DUOXA2: variants seen among roughly 807,000 people sequenced by gnomAD.
DUOXA2 encodes dual oxidase maturation factor 2.
In DUOXA2, 22 loss-of-function variants were observed where a neutral mutation model predicts 27.6. The observed-to-expected ratio is 0.80, with a 90% CI of 0.57 to 1.14. The LOEUF is 1.14. Among genes scored for constraint, DUOXA2 ranks in the 50% most tolerant of loss-of-function variants. The pLI is 0.00. For missense variants in DUOXA2, 481 were observed against 419.9 expected (o/e 1.15, Z -1.27); for synonymous variants, 188 against 184.4 (o/e 1.02, Z -0.16).
Position 45,117,768 on chromosome 15 carries a change from G to A in DUOXA2, c.822G>A (p.Arg274=). ...CCGTGGTGAGTCTCCAGTATGTTCG[G>A]CCCAGCGCTCTTCGCACCCTTCTGG... is the stretch of plus-strand genomic sequence containing the variant. The part of the protein sequence containing the change: ...GGAVVSLQYV[R]PSALRTLLDQ... Residue 274 remains arginine (R), a synonymous_variant, in exon 6 of 6, where the codon CGG becomes CGA. Transcript: ENST00000323030. The A allele has an allele frequency of 1.2e-6, 2 of 1,613,862 alleles. No homozygotes were observed. The highest frequency in any genetic ancestry group is 2.2e-5 in the South Asian group (2 of 91,064).
In DUOXA2 at chr15:45,114,901, A is replaced by G. The variant is rs1204980458; in HGVS notation, c.147+149A>G. The G allele has an allele frequency of 3.3e-6, 4 of 1,206,778 alleles. No individual in the cohort carries two copies. The African/African-American group carries it at 4.5e-5, about 14-fold the overall frequency. 74.8% of individuals were successfully genotyped at this position (1,206,778 alleles called of 1,614,324 possible). On this transcript the variant is annotated intron_variant, in intron 1 of 5. Coordinates refer to ENST00000323030, the MANE Select transcript of DUOXA2 (RefSeq NM_207581.4). Reference sequence around the variant, plus strand: ...TGGAGTGAAGTCAGGAGTCTGGTGCAGCAAGCACCCCTTTCCAAGGATAGG... The same window carrying G: ...TGGAGTGAAGTCAGGAGTCTGGTGCGGCAAGCACCCCTTTCCAAGGATAGG...
rs530360466 is a variant in DUOXA2 at position 45,116,208 on chromosome 15, C to G, written c.290C>G (p.Ala97Gly). ...YKAFSAARVT[A>G]RVRLLVGLEG... ...GCCTTCAGCGCAGCGCGCGTTACAG[C>G]CCGTGTCCGTCTGCTCGTGGGCCTG... The change falls in exon 3 of 6, where the codon GCC becomes GGC. Residue 97 changes from alanine to glycine, a missense_variant. Transcript: ENST00000323030. The G allele has an allele frequency of 1.2e-5, 19 of 1,614,154 alleles. No individual in the cohort carries two copies. The East Asian group carries it at 4.2e-4, about 36-fold the overall frequency.
chr15:45,115,744 T>C, intron 1 of DUOXA2, 55 bp from the exon 2 acceptor site: 7 of 1,611,394 alleles, frequency 4.3e-6, no homozygotes, highest in South Asian at 2.2e-5. Flanking sequence ...AAGGGTGGTC[T>C]TGGGGACTCT....
rs541186086 is a variant in DUOXA2 at position 45,117,425 on chromosome 15, G to C, written c.769+120G>C. ...ATTACCCTATTTGCCCCTCTCAATA[G>C]TTCGCAGAAACAGGCACTGTTATGA... On this transcript the variant is annotated intron_variant, in intron 5 of 5. Transcript: ENST00000323030. 107 of 1,522,688 alleles carry C rather than the reference G, an allele frequency of 7.0e-5. No homozygotes were observed. In the African/African-American group the frequency reaches 1.3e-3, roughly 19 times the overall value. The allele number at this position is 1,522,688 out of a possible 1,614,324, so 94.3% of individuals were successfully genotyped here. A position where few individuals can be genotyped will look rare whatever the true frequency, so the allele number is the denominator to read the frequency against.
rs763574717 is a variant in DUOXA2, at chr15:45,116,250, C to T, written c.332C>T (p.Thr111Ile). 7 of 1,613,966 alleles carry T rather than the reference C, an allele frequency of 4.3e-6. No homozygotes were observed. Among genetic ancestry groups the T allele is most frequent in the Non-Finnish European group, 5.9e-6 (7 of 1,179,922 alleles). The change falls in exon 3 of 6, where the codon ACA (threonine) becomes ATA (isoleucine). Residue 111 changes from threonine (T) to isoleucine (I), a missense_variant. Physicochemically the swap from Thr to Ile is moderately conservative, Grantham distance 89 (BLOSUM62 -1). Coordinates refer to ENST00000323030, the MANE Select transcript of DUOXA2 (RefSeq NM_207581.4). ...GTGGGCCTGGAGGGCATTAATATTACACTCACAGGTGAGGGGGCTGGGGCT... is the reference window on the plus strand; with the variant it reads ...GTGGGCCTGGAGGGCATTAATATTATACTCACAGGTGAGGGGGCTGGGGCT... ...LLVGLEGINI[T>I]LTGTPVHQLN...
chr15:45,115,651 C>T, intron 1 of DUOXA2, 148 bp from the exon 2 acceptor site: 2 of 936,908 alleles, frequency 2.1e-6, no homozygotes, highest in South Asian at 1.4e-5. Flanking sequence ...ATGCCAGTAG[C>T]CCAGAGGGAC....
In DUOXA2 at chr15:45,117,176, G is replaced by C; in HGVS notation, c.640G>C (p.Gly214Arg). The C allele has an allele frequency of 1.9e-6, 3 of 1,605,658 alleles. No homozygotes were observed. Among genetic ancestry groups the C allele is most frequent in the Non-Finnish European group, 2.5e-6 (3 of 1,179,682 alleles). The change falls in exon 5 of 6, where the codon GGA becomes CGA. Residue 214 changes from glycine (G) to arginine (R), a missense_variant. Gly to Arg is a moderately radical substitution (Grantham distance 125, BLOSUM62 -2). Coordinates refer to ENST00000323030, the MANE Select transcript of DUOXA2 (RefSeq NM_207581.4). Reference sequence around the variant, plus strand: ...CGGAGGCCTGGCACTGCTGACCACCGGAGCCTTCGCGCTCTTCGGGGTCTT... The same window carrying C: ...CGGAGGCCTGGCACTGCTGACCACCCGAGCCTTCGCGCTCTTCGGGGTCTT... ...LYGGLALLTTGAFALFGVFAL... is the reference protein window; with the variant it reads ...LYGGLALLTTRAFALFGVFAL...
At chr15:45,117,055 A>C in intron 4 of DUOXA2, 36 bp from the exon 5 acceptor site, 1 of 1,590,920 alleles carries the variant, frequency 6.3e-7, no homozygotes, top group Non-Finnish European at 8.5e-7. Context: ...GGCTGGGAGA[A>C]GCCCGCTCAC....
rs773357953 is a variant in DUOXA2 at position 45,117,991 on chromosome 15, G to A, written c.*82G>A. ...TGCCCGCCAGGCCTGGGCCAGGAGA[G>A]CTCCAGGAAGGGCACTGAGCGCTGC... On this transcript the variant is annotated 3_prime_UTR_variant, in exon 6 of 6. Coordinates refer to ENST00000323030, the MANE Select transcript of DUOXA2 (RefSeq NM_207581.4). 4 of 1,611,864 alleles carry A rather than the reference G, an allele frequency of 2.5e-6. No individual in the cohort carries two copies. The African/African-American group carries it at 5.3e-5, about 22-fold the overall frequency.
chr15:45,116,410 C>T, intron 3 of DUOXA2, 106 bp from the exon 4 acceptor site: 3 of 1,556,212 alleles, frequency 1.9e-6, no homozygotes, highest in Non-Finnish European at 2.6e-6. Context: ...ACCACCGAAC[C>T]CATTTCTCCC....
chr15:45,114,333 A>T lies in DUOXA2; in HGVS notation c.-273A>T. 2.0e-6 allele frequency: 1 copy of T among 512,392 alleles called. No individual in the cohort carries two copies. Among genetic ancestry groups the T allele is most frequent in the Non-Finnish European group, 3.5e-6 (1 of 282,174 alleles). 31.7% of individuals were successfully genotyped at this position (512,392 alleles called of 1,614,324 possible). ...CGCGCGACTTCCAAACTCAGCGCCA[A>T]CCCGCAGAACCAGGAAAGTAACGGC... On this transcript the variant is annotated 5_prime_UTR_variant, in exon 1 of 6. Coordinates refer to ENST00000323030, the MANE Select transcript of DUOXA2 (RefSeq NM_207581.4).
In DUOXA2 at chr15:45,117,537, G is replaced by A. The variant is rs1456044573; in HGVS notation, c.770-179G>A. ...AATTCAGATTAGAGGTGTGTGGCGG[G>A]AGGTAACACAAGGGGTAGGCTCCAA... On this transcript the variant is annotated intron_variant, in intron 5 of 5. Transcript: ENST00000323030. The A allele has an allele frequency of 1.9e-6, 3 of 1,564,470 alleles. No homozygotes were observed. The South Asian group carries it at 3.5e-5, about 18-fold the overall frequency.
intron 1 of DUOXA2, 59 bp downstream of exon 1, chr15:45,114,811 C>T: frequency 6.2e-7 from 1 of 1,612,008 alleles, no homozygotes; most frequent in South Asian, 1.1e-5. Flanking sequence ...AGATTGTCTC[C>T]TGAGGGACCC....
intron 3 of DUOXA2, 47 bp downstream of exon 3, chr15:45,116,305 G>A (rs373223593): frequency 1.9e-6 from 3 of 1,609,748 alleles, no homozygotes; most frequent in Non-Finnish European, 2.5e-6. Flanking sequence ...GGAGATCCCC[G>A]GTTAGGTGAG....
Position 45,116,301 on chromosome 15 carries a change from C to A in DUOXA2, c.340+43C>A, listed in dbSNP as rs745775102. ...AAATGAACTCCTGGAGCTGGGAGAT[C>A]CCCGGTTAGGTGAGTGTGTCAGGGA... is the stretch of plus-strand genomic sequence containing the variant. On this transcript the variant is annotated intron_variant, in intron 3 of 5. Coordinates refer to ENST00000323030, the MANE Select transcript of DUOXA2 (RefSeq NM_207581.4). 5.6e-6 allele frequency: 9 copies of A among 1,610,696 alleles called. No individual in the cohort carries two copies. In the Admixed American group the frequency reaches 1.5e-4, roughly 27 times the overall value.
intron 4 of DUOXA2, 103 bp downstream of exon 4, chr15:45,116,832 A>G (rs1894658972): frequency 2.9e-6 from 4 of 1,381,356 alleles, no homozygotes; most frequent in Admixed American, 3.9e-5. Flanking sequence ...AGCTGCAGCC[A>G]GACCCGACGC....
Position 45,117,611 on chromosome 15 carries a change from G to A in DUOXA2, c.770-105G>A, listed in dbSNP as rs1411519364. 2.5e-6 allele frequency: 4 copies of A among 1,613,564 alleles called. No homozygotes were observed. The African/African-American group carries it at 4.0e-5, about 16-fold the overall frequency. On this transcript the variant is annotated intron_variant, in intron 5 of 5. Coordinates refer to ENST00000323030, the MANE Select transcript of DUOXA2 (RefSeq NM_207581.4). Reference sequence around the variant, plus strand: ...CACGCCTGTAATCCCAGCACTTTGGGAGGTCGAGGCAGGAAGGTCGTTTGA... The same window carrying A: ...CACGCCTGTAATCCCAGCACTTTGGAAGGTCGAGGCAGGAAGGTCGTTTGA...
At chr15:45,116,291 G>A (rs1191437594) in intron 3 of DUOXA2, 33 bp downstream of exon 3, 1 of 1,611,760 alleles carries the variant, frequency 6.2e-7, no homozygotes, top group East Asian at 2.2e-5. Context: ...AACTCCTGGA[G>A]CTGGGAGATC....
In DUOXA2 at chr15:45,116,199, G is replaced by A; in HGVS notation, c.281G>A (p.Arg94His). Reference sequence around the variant, plus strand: ...TCCTACAAAGCCTTCAGCGCAGCGCGCGTTACAGCCCGTGTCCGTCTGCTC... The same window carrying A: ...TCCTACAAAGCCTTCAGCGCAGCGCACGTTACAGCCCGTGTCCGTCTGCTC... ...NTSYKAFSAARVTARVRLLVG... is the reference protein window; with the variant it reads ...NTSYKAFSAAHVTARVRLLVG... Residue 94 changes from arginine to histidine, a missense_variant, in exon 3 of 6, where the codon CGC becomes CAC. By Grantham distance (29) the Arg-to-His change is conservative. Transcript: ENST00000323030. 1.2e-6 allele frequency: 2 copies of A among 1,614,084 alleles called. No homozygotes were observed. Among genetic ancestry groups the A allele is most frequent in the Non-Finnish European group, 1.7e-6 (2 of 1,180,032 alleles).
Sources: allele counts gnomAD v4.1 joint callset, GRCh38; gene constraint gnomAD v4.1.1; transcripts MANE v1.5; gene names NCBI Gene and HGNC (gene_info 2026-07-23, HGNC 2026-07-21).